SLC25A48: variants seen among roughly 807,000 people sequenced by gnomAD.
The protein encoded by SLC25A48 is CTC-321K16.1.
A neutral mutation model predicts 32.2 loss-of-function variants in SLC25A48; 29 were observed. The ratio of observed to expected loss-of-function variants is 0.90; its 90% CI spans 0.67 to 1.23. The LOEUF is 1.23. Ranked by LOEUF, SLC25A48 falls within the 50% of genes most tolerant of loss-of-function variation. The pLI is 0.00. For missense variants in SLC25A48, 399 were observed against 422.7 expected, an observed-to-expected ratio of 0.94 and a Z score of 0.49; for synonymous variants, 164 against 172.3, an observed-to-expected ratio of 0.95 and a Z score of 0.38.
At chr5:135,830,359 A>G (rs1758171827), upstream of SLC25A48, among the ~76,000 whole-genome samples, 1 of 152,188 alleles carries the variant, frequency 6.6e-6, no homozygotes, top group African/African-American at 2.4e-5. Context: ...GACACCACCT[A>G]AGAGGAGATC....
At chr5:135,773,773 A>C (rs1230863721) in intron 3 of SLC25A48, among the ~76,000 whole-genome samples, 3 of 151,172 alleles carry the variant, frequency 2.0e-5, no homozygotes, top group Non-Finnish European at 3.0e-5. Context: ...GGAGAGTATG[A>C]TATTACTCCC....
At chr5:135,828,597 G>GA (rs1308932386) in intron 4 of SLC25A48, among the ~76,000 whole-genome samples, 3 of 152,238 alleles carry the variant, frequency 2.0e-5, no homozygotes, top group Non-Finnish European at 2.9e-5. Context: ...TCCCTGCAGA[G>GA]AAAAATGCTG....
intron 6 of SLC25A48, among the ~76,000 whole-genome samples, chr5:135,879,609 A>AGT (rs1268618534): frequency 0.019 from 2,442 of 126,896 alleles, 21 homozygotes; most frequent in Middle Eastern, 0.023. Flanking sequence ...AGAGAGAGAG[A>AGT]GAGTGTGTGT....
intron 3 of SLC25A48, among the ~76,000 whole-genome samples, chr5:135,807,130 A>C (rs1757481191): frequency 6.6e-6 from 1 of 150,682 alleles, no homozygotes; most frequent in African/African-American, 2.4e-5. Context: ...AATATCAAAG[A>C]TATCTTATGA....
intron 3 of SLC25A48, among the ~76,000 whole-genome samples, chr5:135,727,302 C>T (rs1755113981): frequency 6.7e-6 from 1 of 148,300 alleles, no homozygotes; most frequent in South Asian, 2.1e-4. Flanking sequence ...CACACAGAGT[C>T]TAAATTCTAG....
intron 4 of SLC25A48, among the ~76,000 whole-genome samples, chr5:135,858,021 A>C (rs998068046): frequency 6.6e-5 from 10 of 152,168 alleles, no homozygotes; most frequent in African/African-American, 2.4e-4. Flanking sequence ...GGAGGTGCTG[A>C]CATGTCTCAG....
chr5:135,713,346 G>A lies in SLC25A48; in HGVS notation c.-521+78390G>A, dbSNP rs191226743. Among the ~76,000 whole-genome samples, 355 of 152,270 alleles carry A rather than the reference G, an allele frequency of 2.3e-3. 2 individuals carry two copies. The highest frequency in any genetic ancestry group is 8.3e-3 in the African/African-American group (344 of 41,544). On this transcript the variant is annotated intron_variant, in intron 3 of 10. Transcript: ENST00000646290. ...GTAGTTTGGTATTTCATACTTTTAC[G>A]AAACTTTTTCACAACTATGAACTTG...
chr5:135,787,914 G>T (rs77320063), intron 3 of SLC25A48, among the ~76,000 whole-genome samples: 6 of 151,830 alleles, frequency 4.0e-5, no homozygotes, highest in Non-Finnish European at 8.8e-5. Context: ...ATAGCCTTGG[G>T]GGATGTTACT....
Position 135,684,776 on chromosome 5 carries a change from C to T in SLC25A48, c.-521+49820C>T, listed in dbSNP as rs572989662. Reference sequence around the variant, plus strand: ...ACATAACTGCATAAACTTCCTTATTCCGTTTCTAATGGCTGCAGAGTGTTC... The same window carrying T: ...ACATAACTGCATAAACTTCCTTATTTCGTTTCTAATGGCTGCAGAGTGTTC... On this transcript the variant is annotated intron_variant, in intron 3 of 10. Transcript: ENST00000646290. Among the ~76,000 whole-genome samples, 238 of 152,306 alleles carry T rather than the reference C, an allele frequency of 1.6e-3. 1 individual carries two copies. The highest frequency in any genetic ancestry group is 5.2e-3 in the African/African-American group (216 of 41,568).
intron 3 of SLC25A48, among the ~76,000 whole-genome samples, chr5:135,741,742 A>G (rs1263284683): frequency 6.6e-6 from 1 of 152,210 alleles, no homozygotes; most frequent in Non-Finnish European, 1.5e-5. Flanking sequence ...TCCTCTCTCA[A>G]ACAAAAAACA....
Position 135,690,638 on chromosome 5 carries a change from A to G in SLC25A48, c.-521+55682A>G, listed in dbSNP as rs1242131681. ...CCATCAGCTGAGCCCTCCCTTCCCA[A>G]AACACCTGCTCATTAACAGGCCACC... On this transcript the variant is annotated intron_variant, in intron 3 of 10. Transcript: ENST00000646290. Among the ~76,000 whole-genome samples the G allele has an allele frequency of 2.6e-5, 4 of 152,138 alleles. No individual in the cohort carries two copies. In the East Asian group the frequency reaches 7.7e-4, roughly 29 times the overall value.
At chr5:135,642,063 T>A (rs948079725) in intron 3 of SLC25A48, among the ~76,000 whole-genome samples, 6 of 152,244 alleles carry the variant, frequency 3.9e-5, no homozygotes, top group Admixed American at 3.3e-4. Context: ...ATTAAGGCCT[T>A]TCTCCAATGC....
chr5:135,614,008 T>C (rs921054598), intron 1 of SLC25A48, among the ~76,000 whole-genome samples: 2 of 152,204 alleles, frequency 1.3e-5, no homozygotes, highest in Admixed American at 1.3e-4. Context: ...GGTGATTGCA[T>C]TGAATCTGTA....
intron 3 of SLC25A48, among the ~76,000 whole-genome samples, chr5:135,800,706 T>A (rs1757298961): frequency 6.6e-6 from 1 of 151,836 alleles, no homozygotes; most frequent in African/African-American, 2.4e-5. Flanking sequence ...ATAGGGTTTG[T>A]AATATTTAGG....
At chr5:135,871,013 A>G (rs1398779295) in intron 4 of SLC25A48, among the ~76,000 whole-genome samples, 1 of 151,468 alleles carries the variant, frequency 6.6e-6, no homozygotes, top group Non-Finnish European at 1.5e-5. Flanking sequence ...TCCAAATCTC[A>G]TATACATTTT....
At chr5:135,800,022 C>G (rs1208663482) in intron 3 of SLC25A48, among the ~76,000 whole-genome samples, 1 of 151,554 alleles carries the variant, frequency 6.6e-6, no homozygotes, top group Non-Finnish European at 1.5e-5. Flanking sequence ...TCCTGATATC[C>G]AGGGGGGACA....
chr5:135,687,422 C>CAGATTTCTGTGTAACTG (rs1216322608), intron 3 of SLC25A48, among the ~76,000 whole-genome samples: 3 of 152,176 alleles, frequency 2.0e-5, no homozygotes, highest in Admixed American at 6.5e-5. Flanking sequence ...CCAGACAAAT[C>CAGATTTCTGTGTAACTG]AGATTTCTGT....
At chr5:135,887,494 A>G (rs552359283) in intron 7 of SLC25A48, among the ~76,000 whole-genome samples, 16 of 152,168 alleles carry the variant, frequency 1.1e-4, no homozygotes, top group African/African-American at 3.9e-4. Flanking sequence ...ACACACATAT[A>G]TATGTGTGTA....
chr5:135,654,846 A>G (rs542232987), intron 3 of SLC25A48, among the ~76,000 whole-genome samples: 1 of 152,374 alleles, frequency 6.6e-6, no homozygotes, highest in South Asian at 2.1e-4. Context: ...TGGAGTTTCC[A>G]GTTCTTCCAC....
Sources: gnomAD v4.1 joint callset for allele counts (sites outside exome capture counted in the v4.1 genomes callset) on GRCh38, gnomAD v4.1.1 for gene constraint, MANE v1.5 for transcripts, NCBI Gene and HGNC (gene_info 2026-07-23, HGNC 2026-07-21) for gene names.